HIRA: variants seen among roughly 807,000 people sequenced by gnomAD.
HIRA encodes the protein histone cell cycle regulator, also known as protein HIRA.
Under a neutral mutation model 126.6 loss-of-function variants are expected in HIRA, and 13 were observed. The ratio of observed to expected loss-of-function variants is 0.10; its 90% confidence interval spans 0.07 to 0.16. HIRA has a LOEUF of 0.16. Among genes scored for constraint, HIRA ranks in the 10% least tolerant of loss-of-function variants. The pLI is 1.00. For synonymous variants in HIRA, 511 were observed against 520.0 expected (o/e 0.98, Z 0.24); for missense variants, 834 against 1,314.4 (o/e 0.63, Z 5.65).
intron 1 of HIRA, among the ~76,000 whole-genome samples, chr22:19,430,721 T>G (rs1015527893): frequency 6.6e-6 from 1 of 152,104 alleles, no homozygotes; most frequent in African/African-American, 2.4e-5. Context: ...AAGGCAGAAC[T>G]ATGACGAAAC....
chr22:19,357,067 G>A lies in HIRA; in HGVS notation c.2235-16C>T, dbSNP rs782177134. On this transcript the variant is annotated splice_polypyrimidine_tract_variant and intron_variant, in intron 18 of 24. Coordinates refer to ENST00000263208, the MANE Select transcript of HIRA (RefSeq NM_003325.4). Reference sequence around the variant, plus strand: ...CACCACGTCACTGAGAAGGCAGAGTGGGGGCAGGTGTCATGGGGGCTGAGT... The same window carrying A: ...CACCACGTCACTGAGAAGGCAGAGTAGGGGCAGGTGTCATGGGGGCTGAGT... The A allele has an allele frequency of 1.9e-6, 3 of 1,613,540 alleles. No homozygotes were observed. Among genetic ancestry groups the A allele is most frequent in the Non-Finnish European group, 2.5e-6 (3 of 1,179,712 alleles).
intron 1 of HIRA, 77 bp downstream of exon 1, chr22:19,431,363 T>G (rs2089537259): frequency 6.6e-7 from 1 of 1,512,920 alleles, no homozygotes; most frequent in Non-Finnish European, 9.1e-7. Flanking sequence ...CAGGCAGGAC[T>G]TGCGCGCGCC....
At chr22:19,431,347 G>A in intron 1 of HIRA, 93 bp downstream of exon 1, 3 of 1,408,104 alleles carry the variant, frequency 2.1e-6, no homozygotes, top group Admixed American at 1.7e-5. Context: ...GGCGTCAGGG[G>A]CGAGACAGGC....
chr22:19,382,738 T>C (rs2089085673), intron 13 of HIRA, among the ~76,000 whole-genome samples: 1 of 152,072 alleles, frequency 6.6e-6, no homozygotes, highest in African/African-American at 2.4e-5. Context: ...TGGGGGTCTA[T>C]TTCTTTCACA....
intron 8 of HIRA, among the ~76,000 whole-genome samples, chr22:19,393,346 T>C (rs921978804): frequency 6.6e-5 from 10 of 152,210 alleles, no homozygotes; most frequent in Non-Finnish European, 1.3e-4. Flanking sequence ...CAATATATGA[T>C]ACTTATTATC....
intron 8 of HIRA, 37 bp from the exon 9 acceptor site, chr22:19,392,251 A>G: frequency 7.4e-7 from 1 of 1,349,116 alleles, no homozygotes; most frequent in Non-Finnish European, 1.1e-6. Context: ...ATAATTAATC[A>G]AGCATCAGGC....
chr22:19,412,877 A>G (rs953440689), intron 1 of HIRA, among the ~76,000 whole-genome samples: 1 of 152,246 alleles, frequency 6.6e-6, no homozygotes, highest in Admixed American at 6.5e-5. Context: ...GAGAAAGTAA[A>G]GATACATAAT....
chr22:19,370,541 C>T (rs1386180826), intron 15 of HIRA, among the ~76,000 whole-genome samples: 1 of 152,202 alleles, frequency 6.6e-6, no homozygotes, highest in Non-Finnish European at 1.5e-5. Context: ...AGCCACTGCA[C>T]CAGGCCTCCA....
intron 2 of HIRA, among the ~76,000 whole-genome samples, chr22:19,409,556 C>T (rs2089335157): frequency 6.6e-6 from 1 of 152,156 alleles, no homozygotes; most frequent in Admixed American, 6.6e-5. Flanking sequence ...GTGCTGAAAT[C>T]ACAGGCGTGA....
At chr22:19,393,484 A>G (rs1221776361) in intron 8 of HIRA, among the ~76,000 whole-genome samples, 1 of 151,804 alleles carries the variant, frequency 6.6e-6, no homozygotes, top group African/African-American at 2.4e-5. Context: ...CGGCCTCCTG[A>G]GTGGCTGGGA....
At chr22:19,383,469 G>A (rs2089095693) in intron 13 of HIRA, 151 bp downstream of exon 13, 3 of 653,678 alleles carry the variant, frequency 4.6e-6, no homozygotes, top group Admixed American at 5.4e-5. Flanking sequence ...CTTTGAGACT[G>A]CGGGAAGCTG....
chr22:19,398,152 G>A, intron 5 of HIRA, 65 bp from the exon 6 acceptor site: 1 of 1,275,956 alleles, frequency 7.8e-7, no homozygotes, highest in East Asian at 2.4e-5. Context: ...TATTAGCTTG[G>A]CCAGTGCCCC....
intron 18 of HIRA, 114 bp downstream of exon 18, chr22:19,359,222 C>T: frequency 8.7e-7 from 1 of 1,146,866 alleles, no homozygotes; most frequent in Non-Finnish European, 1.2e-6. Context: ...GTGTGAGTCT[C>T]TGTGGGAGCT....
At chr22:19,417,178 C>CGACA (rs1569312945) in intron 1 of HIRA, among the ~76,000 whole-genome samples, 1 of 150,324 alleles carries the variant, frequency 6.7e-6, no homozygotes, top group Admixed American at 6.6e-5. Flanking sequence ...CCAGCCTGGG[C>CGACA]GACAGTGTGA....
intron 1 of HIRA, among the ~76,000 whole-genome samples, chr22:19,430,673 G>C (rs1274153475): frequency 2.6e-5 from 4 of 151,972 alleles, no homozygotes; most frequent in Admixed American, 6.5e-5. Flanking sequence ...TCATCTACCC[G>C]GGGAGCAAAC....
At chr22:19,430,618 G>C (rs989159898) in intron 1 of HIRA, among the ~76,000 whole-genome samples, 1 of 150,474 alleles carries the variant, frequency 6.6e-6, no homozygotes, top group African/African-American at 2.5e-5. Context: ...CTGTGCTACA[G>C]TGCTGTCAGC....
intron 18 of HIRA, among the ~76,000 whole-genome samples, chr22:19,357,253 C>T (rs2088821509): frequency 6.6e-6 from 1 of 152,208 alleles, no homozygotes; most frequent in African/African-American, 2.4e-5. Context: ...ATGAAAGAGG[C>T]TTCTGTCCTA....
intron 11 of HIRA, 117 bp downstream of exon 11, chr22:19,387,594 G>A: frequency 1.5e-6 from 1 of 665,242 alleles, no homozygotes; most frequent in African/African-American, 1.8e-5. Context: ...CCCATTACAT[G>A]TTAAGAAATG....
intron 13 of HIRA, among the ~76,000 whole-genome samples, chr22:19,379,738 A>C (rs1487148355): frequency 1.3e-5 from 2 of 152,024 alleles, no homozygotes; most frequent in African/African-American, 4.8e-5. Context: ...TGATTTGTAA[A>C]AATCATTTAC....
Sources: allele counts gnomAD v4.1 joint callset (sites outside exome capture counted in the v4.1 genomes callset), GRCh38; gene constraint gnomAD v4.1.1; transcripts MANE v1.5; gene names NCBI Gene and HGNC (gene_info 2026-07-23, HGNC 2026-07-21).